The following PCDHA5 variants were observed in gnomAD, a reference collection of about 807,000 sequenced individuals.
The protein encoded by PCDHA5 is protocadherin alpha-5.
Under a neutral mutation model 61.6 loss-of-function variants are expected in PCDHA5, and 43 were observed. The observed-to-expected ratio is 0.70, with a 90% confidence interval of 0.55 to 0.90. The LOEUF (loss-of-function observed/expected upper bound fraction) is 0.90. Ranked by LOEUF, PCDHA5 falls within the 40% of genes least tolerant of loss-of-function variation. The pLI is 0.00. For missense variants in PCDHA5, 1,298 were observed against 1,222.7 expected, an observed-to-expected ratio of 1.06 and a Z score of -0.92; for synonymous variants, 627 against 543.9, an observed-to-expected ratio of 1.15 and a Z score of -2.13.
intron 1 of PCDHA5, chr5:140,862,974 T>G: frequency 1.8e-6 from 1 of 545,638 alleles, no homozygotes; most frequent in Non-Finnish European, 3.6e-6. Flanking sequence ...GCAGGCCACT[T>G]GGTGGCGAAG....
chr5:140,893,111 T>G (rs2063826181), intron 1 of PCDHA5, among the ~76,000 whole-genome samples: 1 of 152,236 alleles, frequency 6.6e-6, no homozygotes, highest in Non-Finnish European at 1.5e-5. Flanking sequence ...TATTCCGTTG[T>G]GCATATACAC....
At chr5:140,829,337 G>A (rs2150166119) in intron 1 of PCDHA5, 57 of 1,614,146 alleles carry the variant, frequency 3.5e-5, no homozygotes, top group Non-Finnish European at 4.6e-5. Flanking sequence ...CCTGGACCGC[G>A]AGAGCGTGTC....
intron 1 of PCDHA5, among the ~76,000 whole-genome samples, chr5:140,924,901 A>AAAAAAAATAAAT (rs369245222): frequency 1.2e-5 from 1 of 80,456 alleles, no homozygotes; most frequent in Non-Finnish European, 2.7e-5. Flanking sequence ...TCTCAAAAAA[A>AAAAAAAATAAAT]AAAATAAAAT....
At chr5:140,833,827 G>C (rs2150211606) in intron 1 of PCDHA5, among the ~76,000 whole-genome samples, 3 of 152,222 alleles carry the variant, frequency 2.0e-5, no homozygotes, top group African/African-American at 7.2e-5. Flanking sequence ...GTCCCTAAAA[G>C]AGTACAGGAT....
At chr5:141,000,513 C>G (rs1258002727) in intron 3 of PCDHA5, among the ~76,000 whole-genome samples, 2 of 143,802 alleles carry the variant, frequency 1.4e-5, no homozygotes, top group African/African-American at 5.2e-5. Context: ...CTGCAACCTC[C>G]TTCTCCAGGG....
chr5:140,887,361 G>T (rs2061424710), intron 1 of PCDHA5, among the ~76,000 whole-genome samples: 1 of 152,144 alleles, frequency 6.6e-6, no homozygotes, highest in South Asian at 2.1e-4. Flanking sequence ...CTCCCAAAGT[G>T]CTGGGATTAC....
intron 1 of PCDHA5, among the ~76,000 whole-genome samples, chr5:140,878,898 G>A (rs2057763490): frequency 6.6e-6 from 1 of 152,154 alleles, no homozygotes; most frequent in South Asian, 2.1e-4. Flanking sequence ...ACTACAGGCA[G>A]GCTCCACCAC....
intron 1 of PCDHA5, among the ~76,000 whole-genome samples, chr5:140,881,132 T>C (rs1215831856): frequency 1.3e-5 from 2 of 152,218 alleles, no homozygotes; most frequent in African/African-American, 4.8e-5. Flanking sequence ...TTGGTAGAGA[T>C]AGTTATAACA....
rs2150066668 is a variant in PCDHA5, at chr5:140,823,761, C to T, written c.1986C>T (p.Ala662=). The change falls in exon 1 of 4, where the codon GCC becomes GCT. Residue 662 remains alanine, a synonymous_variant. Coordinates refer to ENST00000529859, the MANE Select transcript of PCDHA5 (RefSeq NM_018908.3). ...GAGAGCCCCCGCTGACAGCCACAGC[C>T]ACAGTGCTGGTGTCGCTGGTGGAAA... ...DHGEPPLTAT[A]TVLVSLVESG... is the part of the protein sequence containing the mutation. 1 of 1,613,892 alleles carries T rather than the reference C, an allele frequency of 6.2e-7. No homozygotes were observed.
intron 1 of PCDHA5, among the ~76,000 whole-genome samples, chr5:140,960,324 G>A (rs2095540604): frequency 6.6e-6 from 1 of 152,168 alleles, no homozygotes; most frequent in Non-Finnish European, 1.5e-5. Context: ...AGGGTCCTGT[G>A]AGAAGTACAT....
chr5:140,943,006 C>A (rs1314561126), intron 1 of PCDHA5, among the ~76,000 whole-genome samples: 2 of 151,932 alleles, frequency 1.3e-5, no homozygotes, highest in East Asian at 3.9e-4. Flanking sequence ...CCTGTAATCC[C>A]AGCACTTTGG....
At chr5:140,905,635 A>ACTGTTGCCTCAGGCAGTGCAGG (rs2071993181) in intron 1 of PCDHA5, among the ~76,000 whole-genome samples, 1 of 152,206 alleles carries the variant, frequency 6.6e-6, no homozygotes, top group South Asian at 2.1e-4. Flanking sequence ...CAGTATGGTC[A>ACTGTTGCCTCAGGCAGTGCAGG]GTTTCACAGT....
chr5:140,841,473 A>G, intron 1 of PCDHA5: 1 of 1,612,990 alleles, frequency 6.2e-7, no homozygotes, highest in Non-Finnish European at 8.5e-7. Flanking sequence ...ATCGCGCAGG[A>G]CCTGGGGCTG....
intron 1 of PCDHA5, chr5:140,967,835 G>T: frequency 6.2e-7 from 1 of 1,614,142 alleles, no homozygotes; most frequent in Non-Finnish European, 8.5e-7. Flanking sequence ...GGACATCGTG[G>T]ACGTGAATGA....
At chr5:141,007,395 C>CAAAAAA (rs35800918) in intron 3 of PCDHA5, among the ~76,000 whole-genome samples, 36 of 94,826 alleles carry the variant, frequency 3.8e-4, no homozygotes, top group African/African-American at 6.0e-4. Context: ...TACTAAAATA[C>CAAAAAA]AAAAAAAAAA....
At chr5:140,956,003 C>T (rs2153708657) in intron 1 of PCDHA5, among the ~76,000 whole-genome samples, 1 of 152,232 alleles carries the variant, frequency 6.6e-6, no homozygotes, top group East Asian at 1.9e-4. Flanking sequence ...ATTTTGTATC[C>T]TGAGACTTTG....
At position 140,822,487 on chromosome 5, in the gene PCDHA5, G is replaced by A; in HGVS notation, c.712G>A (p.Ala238Thr). ...CAATGTATTGGATGCTAATGATAACGCCCCAGAATTTGATAAATCCATTTA... is the reference window on the plus strand; with the variant it reads ...CAATGTATTGGATGCTAATGATAACACCCCAGAATTTGATAAATCCATTTA... The part of the protein sequence containing the change: ...LINVLDANDN[A>T]PEFDKSIYNV... The change falls in exon 1 of 4, where the codon GCC (alanine) becomes ACC (threonine). Residue 238 changes from alanine to threonine, a missense_variant. Coordinates refer to ENST00000529859, the MANE Select transcript of PCDHA5 (RefSeq NM_018908.3). 6.2e-7 allele frequency: 1 copy of A among 1,613,762 alleles called. No homozygotes were observed. The highest frequency in any genetic ancestry group is 1.1e-5 in the South Asian group (1 of 91,058).
At chr5:140,884,422 T>C (rs1470374467) in intron 1 of PCDHA5, 15 of 1,613,860 alleles carry the variant, frequency 9.3e-6, no homozygotes, top group Middle Eastern at 1.6e-4. Context: ...TGCTGCTGTA[T>C]ACTGCGCTGC....
At chr5:141,000,379 C>G (rs1286955585) in intron 3 of PCDHA5, among the ~76,000 whole-genome samples, 6 of 60,366 alleles carry the variant, frequency 9.9e-5, no homozygotes, top group South Asian at 5.4e-4. Context: ...CTCTCTCTCT[C>G]TCTCTCTCTC....
Sources: allele counts gnomAD v4.1 joint callset (sites outside exome capture counted in the v4.1 genomes callset), GRCh38; gene constraint gnomAD v4.1.1; transcripts MANE v1.5; gene names NCBI Gene and HGNC (gene_info 2026-07-23, HGNC 2026-07-21).